The following KCND2 variants were observed in gnomAD, a reference collection of about 807,000 sequenced individuals.
KCND2 encodes the protein potassium voltage-gated channel subfamily D member 2.
Under a neutral mutation model 54.4 loss-of-function variants are expected in KCND2, and 16 were observed. The observed-to-expected ratio is 0.29, with a 90% CI of 0.20 to 0.45. The LOEUF (loss-of-function observed/expected upper bound fraction) is 0.45, where lower values mean the gene tolerates loss of function less well. KCND2 is among the 20% of genes least tolerant of loss of function. The pLI is 1.00. For missense variants in KCND2, 486 were observed against 824.2 expected, an observed-to-expected ratio of 0.59 and a Z score of 5.02; for synonymous variants, 317 against 310.7, an observed-to-expected ratio of 1.02 and a Z score of -0.21.
chr7:120,447,301 G>T (rs1476020832), intron 1 of KCND2, among the ~76,000 whole-genome samples: 1 of 150,890 alleles, frequency 6.6e-6, no homozygotes, highest in Non-Finnish European at 1.5e-5. Flanking sequence ...ACCTAGTTCT[G>T]GCCAATGGAA....
chr7:120,389,552 G>C (rs1380796081), intron 1 of KCND2, among the ~76,000 whole-genome samples: 1 of 151,536 alleles, frequency 6.6e-6, no homozygotes, highest in Non-Finnish European at 1.5e-5. Flanking sequence ...CCTACTCCTA[G>C]TAACTACCCA....
chr7:120,443,617 A>G (rs1237506886), intron 1 of KCND2, among the ~76,000 whole-genome samples: 2 of 151,970 alleles, frequency 1.3e-5, no homozygotes, highest in Admixed American at 1.3e-4. Context: ...ACACTTTCAA[A>G]GTCTGATCAT....
At chr7:120,372,151 C>A (rs1162798595) in intron 1 of KCND2, among the ~76,000 whole-genome samples, 12 of 151,850 alleles carry the variant, frequency 7.9e-5, no homozygotes, top group Non-Finnish European at 5.9e-5. Context: ...GGTATAAGAT[C>A]TGTGACAGAA....
chr7:120,456,244 A>G (rs1042343157), intron 1 of KCND2, among the ~76,000 whole-genome samples: 1 of 152,194 alleles, frequency 6.6e-6, no homozygotes, highest in African/African-American at 2.4e-5. Context: ...ATGAAAGACT[A>G]TTTATCTAGA....
intron 1 of KCND2, among the ~76,000 whole-genome samples, chr7:120,470,446 C>T (rs768287173): frequency 1.3e-4 from 20 of 152,010 alleles, no homozygotes; most frequent in Non-Finnish European, 2.5e-4. Context: ...CTAGTATCAA[C>T]GTCTTCTTTA....
intron 1 of KCND2, among the ~76,000 whole-genome samples, chr7:120,714,551 C>T (rs2116079933): frequency 6.6e-6 from 1 of 152,180 alleles, no homozygotes; most frequent in Admixed American, 6.6e-5. Flanking sequence ...AACATCAGCA[C>T]TATTCAGATA....
intron 1 of KCND2, among the ~76,000 whole-genome samples, chr7:120,623,198 G>C (rs1292380020): frequency 6.6e-6 from 1 of 152,106 alleles, no homozygotes; most frequent in African/African-American, 2.4e-5. Flanking sequence ...TGCCAAGATT[G>C]GAAACAAGTC....
intron 1 of KCND2, among the ~76,000 whole-genome samples, chr7:120,288,404 T>C (rs1303416354): frequency 6.6e-6 from 1 of 152,134 alleles, no homozygotes; most frequent in Non-Finnish European, 1.5e-5. Context: ...TTTAATCACA[T>C]GTAAGGGATT....
chr7:120,549,266 A>G (rs893539896), intron 1 of KCND2, among the ~76,000 whole-genome samples: 1 of 152,170 alleles, frequency 6.6e-6, no homozygotes, highest in African/African-American at 2.4e-5. Context: ...GGGGACCTCT[A>G]TCGTGTTATT....
rs961091560 is a variant in KCND2 at position 120,273,236 on chromosome 7, G to C, written c.-1397G>C. ...TTTATTTTCTCCTTATTTATTGATC[G>C]CACTAGCAGAGCAGCGCGGGGAGCC... On this transcript the variant is annotated 5_prime_UTR_variant, in exon 1 of 6. Transcript: ENST00000331113. Among the ~76,000 whole-genome samples the C allele has an allele frequency of 5.3e-5, 8 of 151,916 alleles. No homozygotes were observed. Among genetic ancestry groups the C allele is most frequent in the Non-Finnish European group, 1.5e-5 (1 of 67,908 alleles).
intron 1 of KCND2, among the ~76,000 whole-genome samples, chr7:120,678,343 TTATATATATA>T (rs3067141): frequency 3.2e-4 from 39 of 120,278 alleles, no homozygotes; most frequent in Middle Eastern, 4.7e-3. Context: ...GTATGATTAT[TTATATATATA>T]TATATATATA....
intron 1 of KCND2, among the ~76,000 whole-genome samples, chr7:120,566,760 A>T (rs995159973): frequency 6.6e-6 from 1 of 151,234 alleles, no homozygotes; most frequent in Admixed American, 6.6e-5. Flanking sequence ...TGTATATATT[A>T]TTATTATGGT....
intron 1 of KCND2, among the ~76,000 whole-genome samples, chr7:120,630,111 A>G (rs1053686700): frequency 2.0e-5 from 3 of 152,182 alleles, no homozygotes; most frequent in African/African-American, 7.2e-5. Context: ...ATGGCCAAAC[A>G]GCCTTGGCAA....
At chr7:120,290,715 A>G (rs987378844) in intron 1 of KCND2, among the ~76,000 whole-genome samples, 3 of 152,004 alleles carry the variant, frequency 2.0e-5, no homozygotes, top group Non-Finnish European at 4.4e-5. Context: ...GTACATTAAG[A>G]GCTACACATA....
chr7:120,641,517 C>T (rs1793375036), intron 1 of KCND2, among the ~76,000 whole-genome samples: 1 of 152,094 alleles, frequency 6.6e-6, no homozygotes, highest in Non-Finnish European at 1.5e-5. Context: ...TACCTAGCTC[C>T]CACTGACTTT....
intron 1 of KCND2, among the ~76,000 whole-genome samples, chr7:120,654,617 T>A (rs1202408648): frequency 6.6e-6 from 1 of 152,182 alleles, no homozygotes; most frequent in African/African-American, 2.4e-5. Flanking sequence ...ATTAGATAAA[T>A]TTTATGCATT....
chr7:120,274,393 G>C lies in KCND2; in HGVS notation c.-240G>C. On this transcript the variant is annotated 5_prime_UTR_variant, in exon 1 of 6. Coordinates refer to ENST00000331113, the MANE Select transcript of KCND2 (RefSeq NM_012281.3). ...AAGAGATTTGGCTGGGTTCTGTTGA[G>C]GGTGATTGTTAGGACGTTGTATTTT... 3.3e-6 allele frequency: 2 copies of C among 599,598 alleles called. No individual in the cohort carries two copies. The highest frequency in any genetic ancestry group is 3.9e-5 in the South Asian group (2 of 50,990). The allele number at this position is 599,598 out of a possible 1,614,324, so 37.1% of individuals were successfully genotyped here.
At chr7:120,396,668 T>C (rs185904780) in intron 1 of KCND2, among the ~76,000 whole-genome samples, 1 of 151,664 alleles carries the variant, frequency 6.6e-6, no homozygotes, top group African/African-American at 2.4e-5. Flanking sequence ...TTTAAATGTG[T>C]GTGTGTGTGT....
At chr7:120,482,004 T>C (rs571906004) in intron 1 of KCND2, among the ~76,000 whole-genome samples, 3 of 152,232 alleles carry the variant, frequency 2.0e-5, no homozygotes, top group Non-Finnish European at 4.4e-5. Flanking sequence ...GTCACCAACA[T>C]GCAACTCCAA....
Sources: allele counts gnomAD v4.1 joint callset (sites outside exome capture counted in the v4.1 genomes callset), GRCh38; gene constraint gnomAD v4.1.1; transcripts MANE v1.5; gene names NCBI Gene and HGNC (gene_info 2026-07-23, HGNC 2026-07-21).